SLC24A2: variants seen among roughly 807,000 people sequenced by gnomAD.
SLC24A2 encodes the protein solute carrier family 24 member 2.
A neutral mutation model predicts 62.0 loss-of-function variants in SLC24A2; 36 were observed. The observed-to-expected ratio is 0.58, with a 90% CI of 0.44 to 0.77. The LOEUF (loss-of-function observed/expected upper bound fraction) is 0.77, where lower values mean the gene tolerates loss of function less well. SLC24A2 is among the 30% of genes least tolerant of loss of function. The pLI is 0.00. For synonymous variants in SLC24A2, 358 were observed against 294.0 expected (o/e 1.22, Z -2.23); for missense variants, 846 against 817.9 (o/e 1.03, Z -0.42).
chr9:19,698,486 T>C (rs1820258542), intron 2 of SLC24A2, among the ~76,000 whole-genome samples: 1 of 152,212 alleles, frequency 6.6e-6, no homozygotes, highest in South Asian at 2.1e-4. Context: ...TGTATAGCTG[T>C]GTCTACAAAA....
the SLC24A2 span, among the ~76,000 whole-genome samples, chr9:19,969,224 C>CACACA: frequency 6.6e-6 from 1 of 150,712 alleles, no homozygotes; most frequent in Non-Finnish European, 1.5e-5. Context: ...CACACACACA[C>CACACA]ACTTCTTCCT....
At chr9:20,168,812 T>C in the SLC24A2 span, among the ~76,000 whole-genome samples, 1 of 151,980 alleles carries the variant, frequency 6.6e-6, no homozygotes, top group African/African-American at 2.4e-5. Flanking sequence ...CTCAAAAAGT[T>C]ATAGAACTAC....
the SLC24A2 span, among the ~76,000 whole-genome samples, chr9:20,157,930 C>T: frequency 6.6e-6 from 1 of 151,334 alleles, no homozygotes; most frequent in Non-Finnish European, 1.5e-5. Context: ...AAAAGCAACC[C>T]AGTGCTATGC....
At chr9:20,096,686 T>C in the SLC24A2 span, among the ~76,000 whole-genome samples, 2 of 152,198 alleles carry the variant, frequency 1.3e-5, no homozygotes, top group Admixed American at 6.5e-5. Context: ...TTTAGAAAGA[T>C]ACTTTTCTTC....
intron 7 of SLC24A2, among the ~76,000 whole-genome samples, chr9:19,558,118 A>C (rs922123219): frequency 1.3e-5 from 2 of 152,158 alleles, no homozygotes; most frequent in African/African-American, 4.8e-5. Flanking sequence ...TTTCCTTAAA[A>C]AGCTGATAAG....
At chr9:19,912,101 T>C in the SLC24A2 span, among the ~76,000 whole-genome samples, 3 of 152,246 alleles carry the variant, frequency 2.0e-5, no homozygotes, top group East Asian at 5.8e-4. Flanking sequence ...TGGAGTGTCG[T>C]GGAGGTATTC....
At chr9:20,167,922 T>C in the SLC24A2 span, among the ~76,000 whole-genome samples, 159 of 151,856 alleles carry the variant, frequency 1.0e-3, 2 homozygotes, top group African/African-American at 3.6e-3. Context: ...TGGCAATTTT[T>C]AGGCTTTACC....
the SLC24A2 span, among the ~76,000 whole-genome samples, chr9:20,285,754 A>C: frequency 6.6e-6 from 1 of 152,252 alleles, no homozygotes; most frequent in South Asian, 2.1e-4. Context: ...CATTACGATC[A>C]TAAGGGTGGG....
intron 4 of SLC24A2, among the ~76,000 whole-genome samples, chr9:19,616,653 G>A (rs1817774787): frequency 6.6e-6 from 1 of 152,156 alleles, no homozygotes; most frequent in Non-Finnish European, 1.5e-5. Context: ...TATGTACCAG[G>A]TATTCTTCTA....
the SLC24A2 span, among the ~76,000 whole-genome samples, chr9:20,086,264 C>T: frequency 6.6e-6 from 1 of 152,128 alleles, no homozygotes; most frequent in South Asian, 2.1e-4. Flanking sequence ...AGCCCATCCT[C>T]CCCATTCTCC....
the SLC24A2 span, among the ~76,000 whole-genome samples, chr9:19,942,401 A>G: frequency 1.3e-5 from 2 of 152,196 alleles, no homozygotes; most frequent in African/African-American, 4.8e-5. Flanking sequence ...CCAAGGTCAC[A>G]TGGAGAATCA....
chr9:19,887,977 C>T, the SLC24A2 span, among the ~76,000 whole-genome samples: 1 of 151,958 alleles, frequency 6.6e-6, no homozygotes, highest in Non-Finnish European at 1.5e-5. Flanking sequence ...ACTTTGGGGA[C>T]TCAGGGGAAA....
chr9:20,273,248 T>C, the SLC24A2 span, among the ~76,000 whole-genome samples: 5 of 152,320 alleles, frequency 3.3e-5, no homozygotes, highest in African/African-American at 7.2e-5. Flanking sequence ...GTGTGAAAGC[T>C]AGCCATAAAA....
chr9:19,951,489 A>G, the SLC24A2 span, among the ~76,000 whole-genome samples: 1 of 151,860 alleles, frequency 6.6e-6, no homozygotes, highest in East Asian at 1.9e-4. Flanking sequence ...TTACAGTTTT[A>G]GTTCTTATAT....
chr9:19,904,012 C>G, the SLC24A2 span, among the ~76,000 whole-genome samples: 1 of 152,156 alleles, frequency 6.6e-6, no homozygotes, highest in African/African-American at 2.4e-5. Flanking sequence ...AGTACATCAC[C>G]TCAGCAGGTC....
chr9:19,575,079 C>T (rs1835967740), intron 6 of SLC24A2, among the ~76,000 whole-genome samples: 1 of 152,036 alleles, frequency 6.6e-6, no homozygotes, highest in Non-Finnish European at 1.5e-5. Context: ...TTTTGGAAAT[C>T]ATAGGGAAAT....
chr9:19,666,934 A>G (rs1311697206), intron 2 of SLC24A2, among the ~76,000 whole-genome samples: 1 of 152,260 alleles, frequency 6.6e-6, no homozygotes, highest in African/African-American at 2.4e-5. Flanking sequence ...AGAGCTACAC[A>G]AACAATAATT....
At chr9:19,892,187 G>A in the SLC24A2 span, among the ~76,000 whole-genome samples, 1 of 152,014 alleles carries the variant, frequency 6.6e-6, no homozygotes, top group Non-Finnish European at 1.5e-5. Flanking sequence ...TTGAAGAGCT[G>A]CCTCTTTCTC....
intron 2 of SLC24A2, among the ~76,000 whole-genome samples, chr9:19,643,260 G>A (rs73646352): frequency 3.3e-5 from 5 of 151,970 alleles, no homozygotes; most frequent in Non-Finnish European, 7.4e-5. Context: ...AAACTATTAC[G>A]TATAATCTCT....
Sources: gnomAD v4.1 joint callset for allele counts (sites outside exome capture counted in the v4.1 genomes callset) on GRCh38, gnomAD v4.1.1 for gene constraint, MANE v1.5 for transcripts, NCBI Gene and HGNC (gene_info 2026-07-23, HGNC 2026-07-21) for gene names.